Variants in SSBP3 observed in about 807,000 individuals in gnomAD.
SSBP3 encodes the protein single-stranded DNA-binding protein 3.
Under a neutral mutation model 69.6 loss-of-function variants are expected in SSBP3, and 5 were observed. The observed-to-expected ratio is 0.07, with a 90% CI of 0.04 to 0.15. The LOEUF (loss-of-function observed/expected upper bound fraction) is 0.15, where lower values mean the gene tolerates loss of function less well. SSBP3 is among the 10% of genes least tolerant of loss of function. The probability of loss-of-function intolerance (pLI) is 1.00; values close to 1 mark genes in which losing one functional copy is unlikely to be tolerated. For synonymous variants in SSBP3, 196 were observed against 193.4 expected, an observed-to-expected ratio of 1.01 and a Z score of -0.11; for missense variants, 312 against 534.0, an observed-to-expected ratio of 0.58 and a Z score of 4.10.
At position 54,341,711 on chromosome 1, in the gene SSBP3, G is replaced by GAA. The variant is rs113716850; in HGVS notation, c.276+60148_276+60149dup. 9.6e-4 allele frequency among the ~76,000 whole-genome samples: 135 copies of GAA among 139,978 alleles called. 1 individual carries two copies. Among genetic ancestry groups the GAA allele is most frequent in the African/African-American group, 3.4e-3 (128 of 38,158 alleles). The allele number at this position is 139,978 out of a possible 152,430, so 91.8% of individuals were successfully genotyped here. A position where few individuals can be genotyped will look rare whatever the true frequency, so the allele number is the denominator to read the frequency against. The stretch of plus-strand genomic sequence containing the variant: ...CCCTAAAACTTAAAGTATAATGATT[G>GAA]AAAAAAAAAAAAAGAAGTCCTGGGA... On this transcript the variant is annotated intron_variant, in intron 4 of 17. Transcript: ENST00000610401.
At chr1:54,294,160 AAAG>A (rs1186746250) in intron 4 of SSBP3, among the ~76,000 whole-genome samples, 862 of 68,828 alleles carry the variant, frequency 0.013, 42 homozygotes, top group African/African-American at 0.043. Flanking sequence ...AAAAAAAAAA[AAAG>A]AAAGAAAGAA....
intron 4 of SSBP3, chr1:54,326,519 C>T (rs1195929975): frequency 6.6e-6 from 1 of 152,232 alleles, no homozygotes; most frequent in African/African-American, 2.4e-5. Flanking sequence ...AGCCACCAGG[C>T]TGGGACACCC....
At chr1:54,398,980 G>C (rs1433819006) in intron 4 of SSBP3, among the ~76,000 whole-genome samples, 1 of 152,230 alleles carries the variant, frequency 6.6e-6, no homozygotes, top group Non-Finnish European at 1.5e-5. Flanking sequence ...CTAAAAAGTA[G>C]TTAAGGCAAC....
upstream of SSBP3, among the ~76,000 whole-genome samples, chr1:54,408,908 C>T (rs533511728): frequency 2.6e-5 from 4 of 152,230 alleles, no homozygotes; most frequent in South Asian, 8.3e-4. Flanking sequence ...CTTGTTGGAG[C>T]TAAAAGAGAT....
At chr1:54,406,084 G>C in exon 1 of SSBP3, 3 of 1,224,838 alleles carry the variant, frequency 2.4e-6, no homozygotes, top group Non-Finnish European at 3.3e-6. Flanking sequence ...CTCCCGAGCT[G>C]CCCCTCGCTC....
At chr1:54,225,653 G>A (rs758385241) in exon 18 of SSBP3, 6 of 248,166 alleles carry the variant, frequency 2.4e-5, no homozygotes, top group African/African-American at 4.5e-5. Flanking sequence ...AGAAAGGGAG[G>A]GAGTAAAACA....
intron 4 of SSBP3, among the ~76,000 whole-genome samples, chr1:54,389,048 T>C (rs754567497): frequency 7.2e-5 from 11 of 152,218 alleles, no homozygotes; most frequent in South Asian, 2.1e-4. Flanking sequence ...TCTAGAAGAA[T>C]CGGGTCTGCC....
intron 5 of SSBP3, among the ~76,000 whole-genome samples, chr1:54,268,286 T>C (rs1645135915): frequency 6.6e-6 from 1 of 152,240 alleles, no homozygotes; most frequent in Non-Finnish European, 1.5e-5. Flanking sequence ...CAAAGACACA[T>C]CCCACTTCTG....
chr1:54,278,354 G>A (rs1218351309), intron 5 of SSBP3, among the ~76,000 whole-genome samples: 1 of 151,658 alleles, frequency 6.6e-6, no homozygotes. Flanking sequence ...GTGAGGTGTG[G>A]TCAGGTCAGT....
chr1:54,257,949 TC>T, intron 6 of SSBP3, 119 bp downstream of exon 6: 11 of 915,184 alleles, frequency 1.2e-5, no homozygotes, highest in Non-Finnish European at 3.1e-6. Context: ...ATTTAATTTG[TC>T]AATAAAGACT....
intron 3 of SSBP3, among the ~76,000 whole-genome samples, chr1:54,403,411 G>A (rs555149940): frequency 6.6e-6 from 1 of 152,026 alleles, no homozygotes; most frequent in Non-Finnish European, 1.5e-5. Flanking sequence ...ATAAACCTAA[G>A]TTTCTACAAG....
Position 54,228,812 on chromosome 1 carries a change from G to A in SSBP3, c.942C>T (p.Pro314=), listed in dbSNP as rs765032141. 9 of 1,611,736 alleles carry A rather than the reference G, an allele frequency of 5.6e-6. No individual in the cohort carries two copies. The Middle Eastern group carries it at 5.0e-4, about 89-fold the overall frequency. ...TGCCGCCCATCGGACCGTCCGAGCC[G>A]GGACCCATCGGGAACTGGGGAAGAA... is the stretch of plus-strand genomic sequence containing the variant. Residue 314 remains proline (P), a synonymous_variant, in exon 15 of 18, where the codon CCC becomes CCT. Coordinates refer to ENST00000610401, the Ensembl canonical transcript of SSBP3.
chr1:54,332,905 A>G (rs1255663020), intron 4 of SSBP3, among the ~76,000 whole-genome samples: 2 of 152,180 alleles, frequency 1.3e-5, no homozygotes, highest in Non-Finnish European at 2.9e-5. Flanking sequence ...GAGGGGAGTA[A>G]GCAAACATGC....
rs2100750027 is a variant in SSBP3 at position 54,258,205 on chromosome 1, G to A, written c.367-56C>T. On this transcript the variant is annotated intron_variant, in intron 5 of 17. Transcript: ENST00000610401. The surrounding 1 kb of genome is among the most constrained non-coding windows in gnomAD (Gnocchi z 4.5). ...AGATCACAGCACATGGAGAAGCGCA[G>A]AAGCAGCTTAAAAGAACAAAAATTA... 8.0e-7 allele frequency: 1 copy of A among 1,250,088 alleles called. No homozygotes were observed. The highest frequency in any genetic ancestry group is 1.0e-6 in the Non-Finnish European group (1 of 959,736). 77.4% of individuals were successfully genotyped at this position (1,250,088 alleles called of 1,614,324 possible).
intron 7 of SSBP3, 22 bp from the exon 8 acceptor site, chr1:54,251,882 A>C: frequency 6.2e-7 from 1 of 1,605,902 alleles, no homozygotes; most frequent in Non-Finnish European, 8.5e-7. Context: ...GCAAGACACA[A>C]GCTGAGGAGC....
intron 4 of SSBP3, among the ~76,000 whole-genome samples, chr1:54,300,361 C>T (rs774225623): frequency 2.4e-4 from 37 of 152,140 alleles, no homozygotes; most frequent in Non-Finnish European, 4.6e-4. Flanking sequence ...GGCCTGGAAG[C>T]CCAGAGAGTG....
At chr1:54,332,843 CAG>C (rs922170862) in intron 4 of SSBP3, among the ~76,000 whole-genome samples, 1 of 152,214 alleles carries the variant, frequency 6.6e-6, no homozygotes, top group Non-Finnish European at 1.5e-5. Context: ...TCAGTGCCCA[CAG>C]GGGACCAGAG....
At chr1:54,291,573 C>T (rs1280281159) in intron 4 of SSBP3, among the ~76,000 whole-genome samples, 3 of 152,204 alleles carry the variant, frequency 2.0e-5, no homozygotes, top group African/African-American at 7.2e-5. Context: ...GTCTCTGTTT[C>T]GTCCCCCACT....
intron 5 of SSBP3, among the ~76,000 whole-genome samples, chr1:54,273,226 C>T (rs1004164918): frequency 6.6e-6 from 1 of 152,232 alleles, no homozygotes; most frequent in African/African-American, 2.4e-5. Context: ...TCCATTTCAT[C>T]AGTGAGAGTT....
Sources: gnomAD v4.1 joint callset for allele counts (sites outside exome capture counted in the v4.1 genomes callset) on GRCh38, gnomAD v4.1.1 for gene constraint, Gnocchi (gnomAD v3.1) non-coding constraint, MANE v1.5 for transcripts, NCBI Gene and HGNC (gene_info 2026-07-23, HGNC 2026-07-21) for gene names.